CNTN4: variants seen among roughly 807,000 people sequenced by gnomAD.
The protein encoded by CNTN4 is contactin-4.
CNTN4 carries 77 observed loss-of-function variants against 122.5 expected under a neutral mutation model. The observed-to-expected ratio is 0.63, with a 90% CI of 0.52 to 0.76. The LOEUF (loss-of-function observed/expected upper bound fraction) is 0.76. CNTN4 is among the 30% of genes least tolerant of loss of function. The pLI is 0.00. For synonymous variants in CNTN4, 512 were observed against 447.0 expected, an observed-to-expected ratio of 1.15 and a Z score of -1.83; for missense variants, 1,256 against 1,259.1, an observed-to-expected ratio of 1.00 and a Z score of 0.04.
chr3:3,043,312 G>A (rs975179869), intron 22 of CNTN4, 149 bp downstream of exon 22: 42 of 842,864 alleles, frequency 5.0e-5, no homozygotes, highest in African/African-American at 3.2e-4. Context: ...GAACCTTTCC[G>A]TATACCACGC....
intron 4 of CNTN4, among the ~76,000 whole-genome samples, chr3:2,715,749 A>G (rs1326902958): frequency 6.6e-6 from 1 of 152,202 alleles, no homozygotes; most frequent in Non-Finnish European, 1.5e-5. Context: ...GTGTCCTCAC[A>G]TGGCTGAGAC....
chr3:2,746,832 C>T (rs1199465479), intron 6 of CNTN4, among the ~76,000 whole-genome samples: 2 of 152,136 alleles, frequency 1.3e-5, no homozygotes, highest in Non-Finnish European at 2.9e-5. Context: ...TCTAAATATT[C>T]GTAGGTGTTT....
chr3:2,158,729 T>TG (rs1463138007), intron 2 of CNTN4, among the ~76,000 whole-genome samples: 1 of 152,222 alleles, frequency 6.6e-6, no homozygotes, highest in African/African-American at 2.4e-5. Flanking sequence ...CAGCACGCAC[T>TG]GCTGGTGAGC....
intron 2 of CNTN4, among the ~76,000 whole-genome samples, chr3:2,241,809 G>A (rs2039953475): frequency 6.6e-6 from 1 of 152,106 alleles, no homozygotes. Flanking sequence ...AAATTAAAAC[G>A]GTATGCCAGA....
In CNTN4 at chr3:2,105,539, G is replaced by A. The variant is rs190841929; in HGVS notation, c.-145+4900G>A. Among the ~76,000 whole-genome samples the A allele has an allele frequency of 2.2e-3, 342 of 152,246 alleles. 2 individuals are homozygous for A. Among genetic ancestry groups the A allele is most frequent in the African/African-American group, 7.8e-3 (324 of 41,542 alleles). On this transcript the variant is annotated intron_variant, in intron 2 of 24. Transcript: ENST00000418658. ...CGGCAGGCAAGAGACAGTGAAGGAG[G>A]AAGAGCCCCTTATAAAACCATCAGA... is the stretch of plus-strand genomic sequence containing the variant.
chr3:2,479,053 C>G (rs1374330341), intron 3 of CNTN4, among the ~76,000 whole-genome samples: 2 of 152,150 alleles, frequency 1.3e-5, no homozygotes, highest in African/African-American at 4.8e-5. Flanking sequence ...CCCAGCAGGA[C>G]TTTCATCTTT....
intron 6 of CNTN4, among the ~76,000 whole-genome samples, chr3:2,747,298 G>C (rs9851092): frequency 6.7e-6 from 1 of 150,298 alleles, no homozygotes; most frequent in African/African-American, 2.5e-5. Context: ...AGTCCCAGCT[G>C]CTCGGGAGGC....
chr3:2,141,596 C>T (rs2034998839), intron 2 of CNTN4, among the ~76,000 whole-genome samples: 1 of 152,164 alleles, frequency 6.6e-6, no homozygotes, highest in East Asian at 1.9e-4. Context: ...TTTGTCACAT[C>T]AGTAGTAGGA....
Position 2,157,240 on chromosome 3 carries a change from A to G in CNTN4, c.-145+56601A>G, listed in dbSNP as rs193222914. Among the ~76,000 whole-genome samples, 437 of 152,342 alleles carry G rather than the reference A, an allele frequency of 2.9e-3. 2 individuals are homozygous for G. The highest frequency in any genetic ancestry group is 0.01 in the African/African-American group (420 of 41,580). ...CATAAGACCTGGTGGATAATATGTG[A>G]GACTGGGTTGAGATTGATGAGTGAT... On this transcript the variant is annotated intron_variant, in intron 2 of 24. Coordinates refer to ENST00000418658, the MANE Select transcript of CNTN4 (RefSeq NM_175607.3).
intron 3 of CNTN4, among the ~76,000 whole-genome samples, chr3:2,464,015 A>G (rs1010100375): frequency 6.6e-6 from 1 of 152,160 alleles, no homozygotes. Context: ...TTCTTTAAAA[A>G]CAATATTTGC....
At chr3:2,812,544 A>C (rs2092637400) in intron 6 of CNTN4, among the ~76,000 whole-genome samples, 1 of 151,828 alleles carries the variant, frequency 6.6e-6, no homozygotes, top group Non-Finnish European at 1.5e-5. Context: ...TTTAAGTCTT[A>C]TCAGGTTTGT....
chr3:2,694,625 G>T (rs2085922062), intron 4 of CNTN4, among the ~76,000 whole-genome samples: 1 of 152,170 alleles, frequency 6.6e-6, no homozygotes, highest in Non-Finnish European at 1.5e-5. Flanking sequence ...AGCTACTTAG[G>T]AGGCGAGGCA....
chr3:2,575,822 T>C (rs1453795138), intron 4 of CNTN4, among the ~76,000 whole-genome samples: 67 of 140,906 alleles, frequency 4.8e-4, no homozygotes, highest in East Asian at 8.4e-4. Flanking sequence ...TTTTTTTTTT[T>C]TTTTTTTTTT....
intron 13 of CNTN4, among the ~76,000 whole-genome samples, chr3:2,955,964 C>G (rs914321283): frequency 1.3e-5 from 2 of 152,108 alleles, no homozygotes; most frequent in Admixed American, 1.3e-4. Context: ...GAATTAAAAG[C>G]AAGGACTCAG....
At chr3:2,235,288 C>G (rs891627403) in intron 2 of CNTN4, among the ~76,000 whole-genome samples, 4 of 152,090 alleles carry the variant, frequency 2.6e-5, no homozygotes, top group Admixed American at 2.6e-4. Flanking sequence ...CTATGATAAC[C>G]TAAAAACTAT....
At chr3:3,047,616 A>G (rs373971200) in intron 23 of CNTN4, among the ~76,000 whole-genome samples, 2 of 147,404 alleles carry the variant, frequency 1.4e-5, no homozygotes, top group Non-Finnish European at 3.0e-5. Flanking sequence ...TCTCTGGGAC[A>G]CATTCAAAGC....
chr3:2,665,141 C>T (rs1473801125), intron 4 of CNTN4, among the ~76,000 whole-genome samples: 3 of 152,156 alleles, frequency 2.0e-5, no homozygotes, highest in Non-Finnish European at 4.4e-5. Context: ...TCCTTAAAGA[C>T]CTTTATATGT....
chr3:2,692,512 T>C (rs2085796786), intron 4 of CNTN4, among the ~76,000 whole-genome samples: 1 of 152,168 alleles, frequency 6.6e-6, no homozygotes, highest in Non-Finnish European at 1.5e-5. Flanking sequence ...TGCATCTTTT[T>C]TAGTATGATA....
intron 3 of CNTN4, among the ~76,000 whole-genome samples, chr3:2,368,468 C>G (rs968190324): frequency 2.0e-5 from 3 of 152,114 alleles, no homozygotes; most frequent in African/African-American, 7.2e-5. Context: ...TTGAACCTGC[C>G]TTTCTTTACC....
Sources: allele counts gnomAD v4.1 joint callset (sites outside exome capture counted in the v4.1 genomes callset), GRCh38; gene constraint gnomAD v4.1.1; transcripts MANE v1.5; gene names NCBI Gene and HGNC (gene_info 2026-07-23, HGNC 2026-07-21).